Variants in AGBL4 observed in about 807,000 individuals in gnomAD.
AGBL4 encodes the protein AGBL carboxypeptidase 4.
In AGBL4, 58 loss-of-function variants were observed where a neutral mutation model predicts 66.4. That is an observed-to-expected ratio of 0.87 (90% confidence interval 0.71 to 1.09). The LOEUF (loss-of-function observed/expected upper bound fraction) is 1.09. Among genes scored for constraint, AGBL4 ranks in the 50% least tolerant of loss-of-function variants. The pLI, the probability that AGBL4 is intolerant of heterozygous loss-of-function variation, is 0.00. For missense variants in AGBL4, 579 were observed against 631.0 expected, an observed-to-expected ratio of 0.92 and a Z score of 0.88; for synonymous variants, 234 against 222.9, an observed-to-expected ratio of 1.05 and a Z score of -0.44.
intron 3 of AGBL4, among the ~76,000 whole-genome samples, chr1:49,515,760 C>T (rs966363716): frequency 2.3e-4 from 35 of 151,426 alleles, no homozygotes; most frequent in African/African-American, 8.0e-4. Flanking sequence ...AAGCTGGAAA[C>T]CATCATTCTC....
intron 5 of AGBL4, among the ~76,000 whole-genome samples, chr1:48,990,075 T>G (rs1358084665): frequency 6.6e-6 from 1 of 152,320 alleles, no homozygotes; most frequent in East Asian, 1.9e-4. Flanking sequence ...TAAGCCATTC[T>G]AGCGGGGGTG....
chr1:49,547,020 C>T (rs1652542879), intron 3 of AGBL4, among the ~76,000 whole-genome samples: 1 of 152,176 alleles, frequency 6.6e-6, no homozygotes, highest in African/African-American at 2.4e-5. Flanking sequence ...TAAGTCCCAA[C>T]TTTTATCTTT....
intron 6 of AGBL4, among the ~76,000 whole-genome samples, chr1:48,846,894 C>G (rs924542094): frequency 2.0e-5 from 3 of 152,042 alleles, no homozygotes; most frequent in Non-Finnish European, 4.4e-5. Flanking sequence ...AAGTATTACC[C>G]AACCTTAATG....
intron 6 of AGBL4, among the ~76,000 whole-genome samples, chr1:48,774,498 G>A (rs554062648): frequency 6.6e-6 from 1 of 152,166 alleles, no homozygotes; most frequent in East Asian, 1.9e-4. Context: ...CTCCTCCCAA[G>A]AAAAAAACTG....
intron 2 of AGBL4, among the ~76,000 whole-genome samples, chr1:49,844,332 A>T (rs1299487331): frequency 6.6e-6 from 1 of 152,156 alleles, no homozygotes; most frequent in African/African-American, 2.4e-5. Flanking sequence ...AGTCCAGTGC[A>T]TCTGTGCATC....
intron 5 of AGBL4, among the ~76,000 whole-genome samples, chr1:48,884,977 TTA>T (rs1491521643): frequency 2.1e-4 from 3 of 14,160 alleles, no homozygotes; most frequent in Admixed American, 7.6e-4. Context: ...AGAGGCAGAT[TTA>T]AAAAAAAAAA....
chr1:49,198,529 G>A (rs1441429460), intron 4 of AGBL4, among the ~76,000 whole-genome samples: 2 of 151,860 alleles, frequency 1.3e-5, no homozygotes, highest in African/African-American at 2.4e-5. Flanking sequence ...TTATAGAGAT[G>A]GGGTATCACC....
At chr1:49,935,102 C>T (rs1454102238) in intron 1 of AGBL4, among the ~76,000 whole-genome samples, 1 of 152,198 alleles carries the variant, frequency 6.6e-6, no homozygotes. Context: ...TGACAGACAG[C>T]ACCTGGAAAA....
At chr1:48,806,284 G>C (rs1161933609) in intron 6 of AGBL4, among the ~76,000 whole-genome samples, 1 of 152,036 alleles carries the variant, frequency 6.6e-6, no homozygotes, top group Admixed American at 6.6e-5. Flanking sequence ...GGTAGAATGG[G>C]GCAAAAAGAT....
chr1:49,059,423 C>T (rs1644363212), intron 4 of AGBL4, among the ~76,000 whole-genome samples: 1 of 152,206 alleles, frequency 6.6e-6, no homozygotes, highest in Non-Finnish European at 1.5e-5. Context: ...TATGGAAATT[C>T]CTGGATGTCC....
chr1:48,661,575 T>C (rs1332414884), intron 7 of AGBL4, among the ~76,000 whole-genome samples: 1 of 152,214 alleles, frequency 6.6e-6, no homozygotes, highest in Non-Finnish European at 1.5e-5. Flanking sequence ...CAGAACGCCA[T>C]TGAGTGTATG....
At position 49,497,329 on chromosome 1, in the gene AGBL4, T is replaced by C. The variant is rs1647693062; in HGVS notation, c.282+199984A>G. On this transcript the variant is annotated intron_variant, in intron 3 of 13. Transcript: ENST00000371839. The stretch of plus-strand genomic sequence containing the variant: ...CATTCCATAGGTTGTCTCTTCACTT[T>C]ATTGATTGTTTTCTTTGCAGTGCTG... 2.0e-5 allele frequency among the ~76,000 whole-genome samples: 3 copies of C among 152,172 alleles called. No homozygotes were observed. In the South Asian group the frequency reaches 6.2e-4, roughly 32 times the overall value.
intron 5 of AGBL4, among the ~76,000 whole-genome samples, chr1:48,911,838 A>G (rs929933810): frequency 2.0e-5 from 3 of 152,186 alleles, no homozygotes; most frequent in Non-Finnish European, 4.4e-5. Context: ...GCCAGTTAAA[A>G]GTAATTTCTC....
intron 3 of AGBL4, among the ~76,000 whole-genome samples, chr1:49,585,883 G>T (rs1644638061): frequency 6.6e-6 from 1 of 152,010 alleles, no homozygotes; most frequent in South Asian, 2.1e-4. Flanking sequence ...GAAAACCTAA[G>T]TCTTACCTTT....
chr1:48,946,641 T>C (rs1410217383), intron 5 of AGBL4, among the ~76,000 whole-genome samples: 1 of 152,172 alleles, frequency 6.6e-6, no homozygotes, highest in African/African-American at 2.4e-5. Context: ...GTTCCTTCCA[T>C]AAGCACTTGG....
intron 6 of AGBL4, among the ~76,000 whole-genome samples, chr1:48,794,400 C>T (rs1177362480): frequency 6.6e-6 from 1 of 152,148 alleles, no homozygotes; most frequent in Non-Finnish European, 1.5e-5. Context: ...CCCTGCCTCT[C>T]CTTCAATTAC....
intron 3 of AGBL4, among the ~76,000 whole-genome samples, chr1:49,524,400 G>T (rs868053252): frequency 2.0e-5 from 3 of 152,110 alleles, no homozygotes; most frequent in African/African-American, 7.2e-5. Flanking sequence ...TTCAGTCAAA[G>T]TCTGTGGTCT....
chr1:48,671,978 C>G (rs1197313410), intron 6 of AGBL4, among the ~76,000 whole-genome samples: 1 of 152,154 alleles, frequency 6.6e-6, no homozygotes, highest in Non-Finnish European at 1.5e-5. Context: ...TTAGCAAATG[C>G]AAATTGAATT....
intron 2 of AGBL4, among the ~76,000 whole-genome samples, chr1:49,826,228 T>TA (rs1010531344): frequency 8.6e-5 from 13 of 152,034 alleles, no homozygotes; most frequent in East Asian, 7.7e-4. Flanking sequence ...GGAAGTTTTT[T>TA]AAAAAAAACA....
Sources: allele counts gnomAD v4.1 joint callset (sites outside exome capture counted in the v4.1 genomes callset), GRCh38; gene constraint gnomAD v4.1.1; transcripts MANE v1.5; gene names NCBI Gene and HGNC (gene_info 2026-07-23, HGNC 2026-07-21).